TMTC1: variants seen among roughly 807,000 people sequenced by gnomAD.
TMTC1 encodes protein O-mannosyl-transferase TMTC1.
Under a neutral mutation model 104.8 loss-of-function variants are expected in TMTC1, and 73 were observed. That is an observed-to-expected ratio of 0.70 (90% CI 0.58 to 0.85). TMTC1 has a LOEUF of 0.85. TMTC1 is among the 40% of genes least tolerant of loss of function. TMTC1 has a pLI of 0.00. For synonymous variants in TMTC1, 434 were observed against 428.7 expected (o/e 1.01, Z -0.15); for missense variants, 1,035 against 1,096.1 (o/e 0.94, Z 0.79).
At position 29,656,499 on chromosome 12, in the gene TMTC1, C is replaced by T. The variant is rs527900439; in HGVS notation, c.939-23163G>A. The stretch of plus-strand genomic sequence containing the variant: ...CCTCCCAAGTAGCTGGGATTACAGG[C>T]GCCTGCCACCATGCCTGGTTAATTT... On this transcript the variant is annotated intron_variant, in intron 5 of 17. Coordinates refer to ENST00000539277, the MANE Select transcript of TMTC1 (RefSeq NM_001193451.2). Among the ~76,000 whole-genome samples the T allele has an allele frequency of 3.0e-4, 46 of 151,720 alleles. No homozygotes were observed. In the South Asian group the frequency reaches 6.0e-3, roughly 20 times the overall value.
chr12:29,539,830 A>C (rs1002905545), intron 10 of TMTC1, among the ~76,000 whole-genome samples: 3 of 152,182 alleles, frequency 2.0e-5, no homozygotes, highest in Admixed American at 6.5e-5. Flanking sequence ...GAGTGCTTTC[A>C]TGATTTGCCC....
At chr12:29,626,482 T>C (rs1937999694) in intron 6 of TMTC1, among the ~76,000 whole-genome samples, 1 of 152,186 alleles carries the variant, frequency 6.6e-6, no homozygotes, top group Non-Finnish European at 1.5e-5. Flanking sequence ...CCTTGCTTTA[T>C]AAAATTCATT....
chr12:29,630,795 G>T (rs2136498128), intron 6 of TMTC1, among the ~76,000 whole-genome samples: 2 of 152,302 alleles, frequency 1.3e-5, no homozygotes, highest in Admixed American at 1.3e-4. Context: ...GAGATAGGTA[G>T]AGCTGTTTAA....
chr12:29,686,994 G>T (rs1289814667), intron 5 of TMTC1, among the ~76,000 whole-genome samples: 3 of 151,534 alleles, frequency 2.0e-5, no homozygotes, highest in Non-Finnish European at 4.4e-5. Flanking sequence ...TTAAAAAAAT[G>T]AGTGAAAGGA....
chr12:29,660,030 A>C, intron 5 of TMTC1: 18 of 1,426,284 alleles, frequency 1.3e-5, no homozygotes, highest in Non-Finnish European at 1.6e-5. Context: ...AATAATCTCC[A>C]CCCTTTTTGC....
intron 1 of TMTC1, among the ~76,000 whole-genome samples, chr12:29,771,698 A>G (rs1943598217): frequency 6.6e-6 from 1 of 152,164 alleles, no homozygotes; most frequent in South Asian, 2.1e-4. Flanking sequence ...GAGGCAAGAT[A>G]GGTGGTATCC....
At chr12:29,614,025 T>TAGGAGAGTGAAA in intron 6 of TMTC1, 9 of 509,144 alleles carry the variant, frequency 1.8e-5, no homozygotes, top group Non-Finnish European at 2.3e-5. Context: ...ACAGTTTCAC[T>TAGGAGAGTGAAA]CTCCTAGTGA....
At chr12:29,566,331 G>T (rs967279017) in intron 9 of TMTC1, among the ~76,000 whole-genome samples, 19 of 152,186 alleles carry the variant, frequency 1.2e-4, no homozygotes, top group African/African-American at 4.6e-4. Context: ...AGCAGGAGGT[G>T]TGTCAGGGGG....
At position 29,581,904 on chromosome 12, in the gene TMTC1, G is replaced by A. The variant is rs145045457; in HGVS notation, c.1418+1503C>T. On this transcript the variant is annotated intron_variant, in intron 8 of 17. Coordinates refer to ENST00000539277, the MANE Select transcript of TMTC1 (RefSeq NM_001193451.2). ...GAGTCTGTTGTGGTCTGTGAGAATCGTGTTTAATAGAAAGGGGTATGACAG... is the reference window on the plus strand; with the variant it reads ...GAGTCTGTTGTGGTCTGTGAGAATCATGTTTAATAGAAAGGGGTATGACAG... Among the ~76,000 whole-genome samples the A allele has an allele frequency of 3.5e-3, 530 of 152,166 alleles. 4 individuals are homozygous for A. Among genetic ancestry groups the A allele is most frequent in the South Asian group, 0.023 (109 of 4,822 alleles).
intron 5 of TMTC1, among the ~76,000 whole-genome samples, chr12:29,702,370 C>G (rs1941618997): frequency 1.3e-5 from 2 of 152,200 alleles, no homozygotes; most frequent in South Asian, 4.1e-4. Flanking sequence ...GGATAGATCA[C>G]TCCTAAGCTC....
At chr12:29,542,172 C>T (rs375643938) in intron 10 of TMTC1, among the ~76,000 whole-genome samples, 2 of 152,208 alleles carry the variant, frequency 1.3e-5, no homozygotes, top group East Asian at 1.9e-4. Flanking sequence ...TAGATAAAAT[C>T]GAACATCAGT....
chr12:29,775,378 A>C (rs1407328555), intron 1 of TMTC1, among the ~76,000 whole-genome samples: 1 of 152,162 alleles, frequency 6.6e-6, no homozygotes. Context: ...TCCTCAGGCC[A>C]CCAGTACTTC....
chr12:29,582,758 G>C (rs1336921017), intron 8 of TMTC1, among the ~76,000 whole-genome samples: 2 of 152,198 alleles, frequency 1.3e-5, no homozygotes. Flanking sequence ...TGACTAAATT[G>C]ACCAATCAGG....
chr12:29,550,933 CAAAAAAAA>C (rs200605964), intron 10 of TMTC1, among the ~76,000 whole-genome samples: 36 of 108,280 alleles, frequency 3.3e-4, no homozygotes, highest in African/African-American at 1.3e-3. Flanking sequence ...GACTCCATCT[CAAAAAAAA>C]AAAAAAAAAA....
chr12:29,544,971 A>C (rs1289337208), intron 10 of TMTC1, among the ~76,000 whole-genome samples: 1 of 152,148 alleles, frequency 6.6e-6, no homozygotes, highest in African/African-American at 2.4e-5. Context: ...GCTTATTATT[A>C]AATAATCTCT....
intron 5 of TMTC1, among the ~76,000 whole-genome samples, chr12:29,660,378 A>T (rs1939960806): frequency 6.6e-6 from 1 of 152,202 alleles, no homozygotes; most frequent in African/African-American, 2.4e-5. Context: ...AATCATGATG[A>T]TCAGAAGAAC....
At chr12:29,532,975 C>G (rs1295811404) in intron 11 of TMTC1, 1 of 152,102 alleles carries the variant, frequency 6.6e-6, no homozygotes, top group African/African-American at 2.4e-5. Flanking sequence ...CTTTCTTTTT[C>G]CACGATATTC....
chr12:29,690,602 T>C (rs1233320387), intron 5 of TMTC1, among the ~76,000 whole-genome samples: 1 of 152,240 alleles, frequency 6.6e-6, no homozygotes, highest in East Asian at 1.9e-4. Flanking sequence ...CATTTTTATA[T>C]GTAAATTTAT....
intron 6 of TMTC1, among the ~76,000 whole-genome samples, chr12:29,614,476 A>C (rs12579805): frequency 0.23 from 35,230 of 152,182 alleles, 4,936 homozygotes; most frequent in East Asian, 0.37. Context: ...AAACAGCCTA[A>C]CTGCCATGGC....
Sources: allele counts gnomAD v4.1 joint callset (sites outside exome capture counted in the v4.1 genomes callset), GRCh38; gene constraint gnomAD v4.1.1; transcripts MANE v1.5; gene names NCBI Gene and HGNC (gene_info 2026-07-23, HGNC 2026-07-21).